IFT140: variants seen among roughly 807,000 people sequenced by gnomAD.
The protein encoded by IFT140 is intraflagellar transport protein 140 homolog.
In IFT140, 133 loss-of-function variants were observed where a neutral mutation model predicts 164.6. That is an observed-to-expected ratio of 0.81 (90% CI 0.70 to 0.93). The LOEUF (loss-of-function observed/expected upper bound fraction) is 0.93, where lower values mean the gene tolerates loss of function less well. Among genes scored for constraint, IFT140 ranks in the 40% least tolerant of loss-of-function variants. The pLI is 0.00. For synonymous variants in IFT140, 860 were observed against 817.3 expected, an observed-to-expected ratio of 1.05 and a Z score of -0.89; for missense variants, 2,045 against 1,972.3, an observed-to-expected ratio of 1.04 and a Z score of -0.70.
chr16:1,512,888 G>T (rs905549849), intron 30 of IFT140: 2 of 152,246 alleles, frequency 1.3e-5, no homozygotes, highest in African/African-American at 2.4e-5. Flanking sequence ...GAAGTGGAAC[G>T]GCGCAGAGGG....
In IFT140 at chr16:1,553,001, A is replaced by G; in HGVS notation, c.2399+4934T>C. ...AGAAGTATCCAGGAGCTACCCATGT[A>G]TAAGAAGCTCCATGAAGTATTATAA... On this transcript the variant is annotated intron_variant, in intron 19 of 30. Coordinates refer to ENST00000426508, the MANE Select transcript of IFT140 (RefSeq NM_014714.4). The surrounding 1 kb of genome is among the most constrained non-coding windows in gnomAD (Gnocchi z 4.4). The G allele has an allele frequency of 1.0e-6, 1 of 985,394 alleles. No homozygotes were observed. 61.0% of individuals were successfully genotyped at this position (985,394 alleles called of 1,614,324 possible). A position where few individuals can be genotyped will look rare whatever the true frequency, so the allele number is the denominator to read the frequency against.
At chr16:1,601,069 C>G (rs1319889047) in intron 4 of IFT140, among the ~76,000 whole-genome samples, 1 of 152,070 alleles carries the variant, frequency 6.6e-6, no homozygotes, top group East Asian at 1.9e-4. Flanking sequence ...TTGAAACCAG[C>G]CTGGCCCACA....
chr16:1,528,398 G>C (rs542688640), intron 19 of IFT140, among the ~76,000 whole-genome samples: 295 of 141,786 alleles, frequency 2.1e-3, no homozygotes, highest in South Asian at 4.3e-3. Flanking sequence ...CACACACACG[G>C]ATGCACACAC....
At chr16:1,591,443 T>G (rs1280467873) in intron 6 of IFT140, among the ~76,000 whole-genome samples, 1 of 152,240 alleles carries the variant, frequency 6.6e-6, no homozygotes, top group Non-Finnish European at 1.5e-5. Flanking sequence ...TGCTCTCATC[T>G]GCTCTCTTCT....
Position 1,566,271 on chromosome 16 carries a change from G to C in IFT140, c.1791C>G (p.Ser597=). Residue 597 remains serine, a synonymous_variant, in exon 16 of 31, where the codon TCC becomes TCG. Transcript: ENST00000426508. ...LPSKADNSPD[S]KICFYDVEMD... ...TTTCAACATCGTAGAAGCAGATTTT[G>C]GAATCAGGGCTGTTGTCAGCCTAGG... 6.2e-7 allele frequency: 1 copy of C among 1,613,622 alleles called. No homozygotes were observed. The highest frequency in any genetic ancestry group is 8.5e-7 in the Non-Finnish European group (1 of 1,179,612).
intron 29 of IFT140, among the ~76,000 whole-genome samples, chr16:1,518,689 A>G (rs2040434445): frequency 6.6e-6 from 1 of 151,868 alleles, no homozygotes; most frequent in Admixed American, 6.6e-5. Flanking sequence ...GCATGTGGAC[A>G]GGGTACACGG....
chr16:1,602,733 A>G, intron 3 of IFT140, 142 bp from the exon 4 acceptor site: 2 of 729,534 alleles, frequency 2.7e-6, no homozygotes, highest in South Asian at 1.7e-5. Context: ...CAAAGTCAGG[A>G]GTTCGAGACC....
intron 19 of IFT140, among the ~76,000 whole-genome samples, chr16:1,543,258 T>C (rs1242804946): frequency 6.6e-6 from 1 of 152,250 alleles, no homozygotes; most frequent in Non-Finnish European, 1.5e-5. Flanking sequence ...ACAGAGGAAG[T>C]GGCAGGAAGT....
intron 14 of IFT140, among the ~76,000 whole-genome samples, chr16:1,568,874 G>A (rs1001633597): frequency 5.3e-5 from 8 of 152,214 alleles, no homozygotes; most frequent in African/African-American, 2.4e-5. Context: ...TTCATCGCCC[G>A]CTGTGACAGC....
chr16:1,594,672 G>C (rs2035359860), intron 4 of IFT140, among the ~76,000 whole-genome samples: 1 of 152,374 alleles, frequency 6.6e-6, no homozygotes, highest in East Asian at 1.9e-4. Context: ...GCGCGGCACA[G>C]ACAGGTGCGA....
intron 14 of IFT140, among the ~76,000 whole-genome samples, chr16:1,570,169 T>C (rs1306513184): frequency 1.3e-5 from 2 of 152,190 alleles, no homozygotes; most frequent in Admixed American, 6.5e-5. Context: ...CAAGGATCCA[T>C]AGCTCCTTTA....
intron 30 of IFT140, among the ~76,000 whole-genome samples, chr16:1,516,631 G>A (rs146259350): frequency 0.014 from 2,095 of 151,920 alleles, 23 homozygotes; most frequent in Non-Finnish European, 0.022. Context: ...TTATCTGGGC[G>A]TGGTGGCGGG....
rs528105061 is a variant in IFT140, at chr16:1,510,571, T to C, written c.*373A>G. The C allele has an allele frequency of 1.6e-4, 55 of 335,760 alleles. 1 individual carries two copies. The highest frequency in any genetic ancestry group is 9.6e-4 in the Middle Eastern group (1 of 1,038). The allele number at this position is 335,760 out of a possible 1,614,324, so 20.8% of individuals were successfully genotyped here. Reference sequence around the variant, plus strand: ...GCCCTGCAGGAGTATGGGGAGGATATGATGTGTGGGGAGCAGGGGGGCAGG... The same window carrying C: ...GCCCTGCAGGAGTATGGGGAGGATACGATGTGTGGGGAGCAGGGGGGCAGG... On this transcript the variant is annotated 3_prime_UTR_variant, in exon 31 of 31. Coordinates refer to ENST00000426508, the MANE Select transcript of IFT140 (RefSeq NM_014714.4).
At chr16:1,542,491 C>T (rs952297219) in intron 19 of IFT140, among the ~76,000 whole-genome samples, 7 of 152,248 alleles carry the variant, frequency 4.6e-5, no homozygotes, top group Non-Finnish European at 8.8e-5. Context: ...CAGAAGAGCC[C>T]ATGCCTGGCC....
At chr16:1,558,972 A>G (rs943761083) in intron 18 of IFT140, among the ~76,000 whole-genome samples, 9 of 152,200 alleles carry the variant, frequency 5.9e-5, no homozygotes, top group Admixed American at 3.9e-4. Flanking sequence ...CATGGGCGAG[A>G]CGGCACTTGG....
intron 17 of IFT140, 103 bp downstream of exon 17, chr16:1,563,894 C>T (rs574356433): frequency 3.9e-5 from 49 of 1,260,520 alleles, no homozygotes; most frequent in African/African-American, 3.5e-4. Context: ...CCCACAGTGC[C>T]GGGATCACAG....
At chr16:1,540,352 ACACT>A (rs1159702728) in intron 19 of IFT140, among the ~76,000 whole-genome samples, 1 of 152,204 alleles carries the variant, frequency 6.6e-6, no homozygotes, top group Non-Finnish European at 1.5e-5. Context: ...AACCACGTAA[ACACT>A]CACGAAGTAA....
chr16:1,555,195 G>A (rs1389779665), intron 19 of IFT140: 13 of 845,900 alleles, frequency 1.5e-5, no homozygotes, highest in African/African-American at 3.4e-5. Context: ...CTGTTATGTC[G>A]GTCATATGTC....
At chr16:1,532,605 G>C (rs1323834489) in intron 19 of IFT140, 1 of 152,278 alleles carries the variant, frequency 6.6e-6, no homozygotes, top group African/African-American at 2.4e-5. Context: ...TGTTACCACA[G>C]GCTGGGAACA....
Sources: allele counts gnomAD v4.1 joint callset (sites outside exome capture counted in the v4.1 genomes callset), GRCh38; gene constraint gnomAD v4.1.1; non-coding constraint Gnocchi (gnomAD v3.1); transcripts MANE v1.5; gene names NCBI Gene and HGNC (gene_info 2026-07-23, HGNC 2026-07-21).